Variants in CFAP92 observed in about 807,000 individuals in gnomAD.
The protein encoded by CFAP92 is cilia and flagella associated protein 92 (putative).
In CFAP92, 86 loss-of-function variants were observed where a neutral mutation model predicts 106.3. The ratio of observed to expected loss-of-function variants is 0.81; its 90% CI spans 0.68 to 0.97. The LOEUF is 0.97. CFAP92 is among the 50% of genes least tolerant of loss of function. The pLI is 0.00. For missense variants in CFAP92, 1,204 were observed against 1,283.8 expected, an observed-to-expected ratio of 0.94 and a Z score of 0.95; for synonymous variants, 477 against 506.4, an observed-to-expected ratio of 0.94 and a Z score of 0.78.
chr3:128,915,156 G>C lies in CFAP92; in HGVS notation c.3243C>G (p.Leu1081=). The C allele has an allele frequency of 6.5e-7, 1 of 1,536,154 alleles. No individual in the cohort carries two copies. The highest frequency in any genetic ancestry group is 8.7e-7 in the Non-Finnish European group (1 of 1,146,918). ...TTGGTGCGGGCGAAGGGAGCAGCTC[G>C]AGGAAAGGTGGTGGTTTCTTGTACA... is the stretch of plus-strand genomic sequence containing the variant. ...FDLYKKPPPF[L]ELLPSPAPKP... Residue 1081 remains leucine, a synonymous_variant, in exon 15 of 16, where the codon CTC becomes CTG. Transcript: ENST00000645291.
At chr3:128,910,881 T>G in intron 15 of CFAP92, 1 of 1,561,984 alleles carries the variant, frequency 6.4e-7, no homozygotes, top group Non-Finnish European at 8.8e-7. Context: ...GGTGAGCTGT[T>G]TCTGGACCCT....
chr3:129,008,882 C>T, the CFAP92 span, among the ~76,000 whole-genome samples: 1 of 152,302 alleles, frequency 6.6e-6, no homozygotes, highest in East Asian at 1.9e-4. Flanking sequence ...TGCTTTCCCA[C>T]AGCTGGTCTC....
the CFAP92 span, among the ~76,000 whole-genome samples, chr3:129,022,054 A>G: frequency 3.3e-5 from 5 of 152,238 alleles, no homozygotes; most frequent in African/African-American, 1.2e-4. Context: ...CACAGCACCC[A>G]GAACTCACCG....
chr3:128,911,321 A>G (rs1474965194), intron 15 of CFAP92, among the ~76,000 whole-genome samples: 2 of 151,704 alleles, frequency 1.3e-5, no homozygotes, highest in Non-Finnish European at 2.9e-5. Context: ...GCCTCCAAAA[A>G]TGCTGGGATT....
rs769024141 is a variant in CFAP92 at position 128,945,588 on chromosome 3, T to A, written c.1741A>T (p.Asn581Tyr). ...ADLLLGHKYL[N>Y]LAVPIHSCEV... is the part of the protein sequence containing the mutation. ...CAGCTGTGGATGGGGACGGCCAGAT[T>A]CAAGTACTTGTGGCCAAGGAGGAGG... Residue 581 changes from asparagine to tyrosine, a missense_variant, in exon 10 of 16, where the codon AAT becomes TAT. Physicochemically the swap from Asn to Tyr is moderately radical, Grantham distance 143. Coordinates refer to ENST00000645291, the MANE Select transcript of CFAP92 (RefSeq NM_001394090.1). The A allele has an allele frequency of 5.1e-5, 79 of 1,535,988 alleles. No individual in the cohort carries two copies. The highest frequency in any genetic ancestry group is 6.8e-5 in the Non-Finnish European group (78 of 1,146,924).
In CFAP92 at chr3:128,945,463, C is replaced by A. The variant is rs1384270986; in HGVS notation, c.1866G>T (p.Arg622Ser). The A allele has an allele frequency of 2.6e-6, 4 of 1,536,154 alleles. No individual in the cohort carries two copies. Among genetic ancestry groups the A allele is most frequent in the Admixed American group, 3.9e-5 (2 of 50,998 alleles). Residue 622 changes from arginine (R) to serine (S), a missense_variant, in exon 10 of 16, where the codon AGG becomes AGT. By Grantham distance (110) the Arg-to-Ser change is moderately radical. Transcript: ENST00000645291. ...GGGAGTCAGCCTCTAGGTAGTTGCC[C>A]CTGGGCATTGGGCCGTGCTGGTGGC... is the stretch of plus-strand genomic sequence containing the variant. ...RDGHQHGPMP[R>S]GNYLEADSQL...
At chr3:128,957,039 C>A (rs936243416) in intron 9 of CFAP92, among the ~76,000 whole-genome samples, 16 of 145,900 alleles carry the variant, frequency 1.1e-4, no homozygotes, top group Non-Finnish European at 2.4e-4. Flanking sequence ...TCCAGTAAGA[C>A]TATCCTTCCA....
chr3:128,946,514 G>C (rs940298992), intron 9 of CFAP92, among the ~76,000 whole-genome samples: 6 of 152,220 alleles, frequency 3.9e-5, no homozygotes, highest in Non-Finnish European at 8.8e-5. Flanking sequence ...GCTATGCTGA[G>C]GCAGAAAGCA....
chr3:128,916,888 C>T (rs528779488), intron 12 of CFAP92, among the ~76,000 whole-genome samples: 1 of 152,316 alleles, frequency 6.6e-6, no homozygotes, highest in Non-Finnish European at 1.5e-5. Context: ...TTGTTGGGCA[C>T]TGTGCAGTGT....
At chr3:129,014,725 C>T in the CFAP92 span, among the ~76,000 whole-genome samples, 5,923 of 152,230 alleles carry the variant, frequency 0.039, 300 homozygotes, top group African/African-American at 0.11. The surrounding 1 kb of genome is among the most constrained non-coding windows in gnomAD (Gnocchi z 4.3). Flanking sequence ...GGGGCCATGA[C>T]TTGTGTGATC....
intron 4 of CFAP92, among the ~76,000 whole-genome samples, chr3:128,982,807 G>A (rs542132137): frequency 1.3e-5 from 2 of 152,288 alleles, no homozygotes; most frequent in Admixed American, 6.5e-5. Flanking sequence ...GAGAATGGCC[G>A]ATCACTGGAA....
chr3:128,983,147 C>T (rs1355599786), intron 4 of CFAP92, among the ~76,000 whole-genome samples: 1 of 152,172 alleles, frequency 6.6e-6, no homozygotes, highest in African/African-American at 2.4e-5. Flanking sequence ...CTATAAGTGA[C>T]ACTCACTTTC....
At chr3:128,932,378 T>TACACACACAC (rs112536236) in intron 12 of CFAP92, among the ~76,000 whole-genome samples, 2,626 of 147,576 alleles carry the variant, frequency 0.018, 84 homozygotes, top group African/African-American at 0.062. Flanking sequence ...AGCAACATGT[T>TACACACACAC]ACACACACAC....
Position 128,977,127 on chromosome 3 carries a change from G to A in CFAP92, c.809-61C>T. The A allele has an allele frequency of 4.3e-6, 6 of 1,379,918 alleles. No individual in the cohort carries two copies. The South Asian group carries it at 5.9e-5, about 14-fold the overall frequency. The allele number at this position is 1,379,918 out of a possible 1,614,324, so 85.5% of individuals were successfully genotyped here. ...TACATGCTAGTTCACTAAGAAATGAGGGCCCCTGACCCATTTCTGTAATGT... is the reference window on the plus strand; with the variant it reads ...TACATGCTAGTTCACTAAGAAATGAAGGCCCCTGACCCATTTCTGTAATGT... On this transcript the variant is annotated intron_variant, in intron 5 of 15. Transcript: ENST00000645291.
chr3:129,011,851 G>C, the CFAP92 span, among the ~76,000 whole-genome samples: 3 of 152,218 alleles, frequency 2.0e-5, no homozygotes, highest in Non-Finnish European at 2.9e-5. Flanking sequence ...CTCCCAGAGA[G>C]AGGGGCCTTG....
At chr3:128,956,215 TAA>T (rs545191144) in intron 9 of CFAP92, among the ~76,000 whole-genome samples, 1 of 68,760 alleles carries the variant, frequency 1.5e-5, no homozygotes, top group African/African-American at 6.2e-5. Flanking sequence ...AATAAAAAAA[TAA>T]AAAAAAAAAA....
At chr3:128,966,568 C>CTTTTTT (rs1197235481) in intron 8 of CFAP92, 1 of 126,680 alleles carries the variant, frequency 7.9e-6, no homozygotes. Flanking sequence ...AATGCTTTTT[C>CTTTTTT]TTTTTTTTTT....
chr3:128,938,385 G>A (rs1433138668), intron 10 of CFAP92, among the ~76,000 whole-genome samples: 2 of 151,794 alleles, frequency 1.3e-5, no homozygotes, highest in African/African-American at 2.4e-5. Flanking sequence ...GACCCATAAA[G>A]GACATCTACA....
At chr3:129,019,586 T>C in the CFAP92 span, among the ~76,000 whole-genome samples, 3 of 152,162 alleles carry the variant, frequency 2.0e-5, no homozygotes, top group African/African-American at 7.2e-5. Context: ...GACTGTAAAC[T>C]ATTTAACTTT....
Sources: allele counts gnomAD v4.1 joint callset (sites outside exome capture counted in the v4.1 genomes callset), GRCh38; gene constraint gnomAD v4.1.1; non-coding constraint Gnocchi (gnomAD v3.1); transcripts MANE v1.5; gene names NCBI Gene and HGNC (gene_info 2026-07-23, HGNC 2026-07-21).